Variants in PDE10A observed in about 807,000 individuals in gnomAD.
The protein encoded by PDE10A is phosphodiesterase 10A.
Under a neutral mutation model 97.7 loss-of-function variants are expected in PDE10A, and 39 were observed. That is an observed-to-expected ratio of 0.40 (90% CI 0.31 to 0.52). The LOEUF (loss-of-function observed/expected upper bound fraction) is 0.52, where lower values mean the gene tolerates loss of function less well. PDE10A is among the 20% of genes least tolerant of loss of function. PDE10A has a pLI of 0.56. For missense variants in PDE10A, 731 were observed against 1,047.8 expected (o/e 0.70, Z 4.17); for synonymous variants, 371 against 376.8 (o/e 0.98, Z 0.18).
At chr6:165,833,704 T>G (rs1486316629) in intron 1 of PDE10A, among the ~76,000 whole-genome samples, 18 of 152,242 alleles carry the variant, frequency 1.2e-4, no homozygotes, top group Admixed American at 1.2e-3. Flanking sequence ...CGAGATGTTC[T>G]TGTCCCATTT....
In PDE10A at chr6:165,444,853, C is replaced by T. The variant is rs529035905; in HGVS notation, c.1194+4075G>A. Among the ~76,000 whole-genome samples, 15 of 152,088 alleles carry T rather than the reference C, an allele frequency of 9.9e-5. No individual in the cohort carries two copies. The East Asian group carries it at 1.5e-3, about 16-fold the overall frequency. ...TTCAGAAATTTAATTATTTCTACTGCGAAGAAATTCATACTTTAATAAGTA... is the reference window on the plus strand; with the variant it reads ...TTCAGAAATTTAATTATTTCTACTGTGAAGAAATTCATACTTTAATAAGTA... On this transcript the variant is annotated intron_variant, in intron 5 of 21. Transcript: ENST00000539869.
At chr6:165,493,938 T>C (rs1780369553) in intron 2 of PDE10A, among the ~76,000 whole-genome samples, 1 of 151,148 alleles carries the variant, frequency 6.6e-6, no homozygotes. Flanking sequence ...AAAGGACTAA[T>C]ATCCAGAATC....
At chr6:165,368,948 T>G (rs576509087) in intron 18 of PDE10A, among the ~76,000 whole-genome samples, 83 of 152,298 alleles carry the variant, frequency 5.4e-4, no homozygotes, top group African/African-American at 1.9e-3. Flanking sequence ...CAGACACCGC[T>G]GCTGATACCC....
intron 1 of PDE10A, among the ~76,000 whole-genome samples, chr6:165,742,464 TC>T (rs1168359101): frequency 6.6e-6 from 1 of 151,856 alleles, no homozygotes; most frequent in Admixed American, 6.6e-5. Flanking sequence ...TCATCCCGAG[TC>T]CCACCCAGGA....
intron 10 of PDE10A, among the ~76,000 whole-genome samples, chr6:165,419,669 T>G (rs926342851): frequency 6.6e-6 from 1 of 152,208 alleles, no homozygotes; most frequent in Non-Finnish European, 1.5e-5. Flanking sequence ...TATCCTACTG[T>G]CCTGAGTGGG....
intron 1 of PDE10A, among the ~76,000 whole-genome samples, chr6:165,709,066 C>T (rs551747940): frequency 6.2e-5 from 7 of 112,864 alleles, no homozygotes; most frequent in Middle Eastern, 4.3e-3. Flanking sequence ...GCCATGCTTC[C>T]GCGCTCTTCC....
At chr6:165,871,898 G>C (rs1390115516) in intron 1 of PDE10A, among the ~76,000 whole-genome samples, 1 of 152,196 alleles carries the variant, frequency 6.6e-6, no homozygotes, top group Non-Finnish European at 1.5e-5. Flanking sequence ...AGATAGGATC[G>C]AAGGTGGAAA....
intron 1 of PDE10A, among the ~76,000 whole-genome samples, chr6:165,816,248 C>A (rs1372346818): frequency 1.3e-5 from 2 of 152,204 alleles, no homozygotes; most frequent in Non-Finnish European, 2.9e-5. Context: ...TGCGCCTGGC[C>A]CAGGCTCATA....
In PDE10A at chr6:165,341,677, T is replaced by G. The variant is rs1781980319; in HGVS notation, c.2895+1714A>C. ...CAGTCTAGGGAACGTATCAAGCAAC[T>G]CAACTTTTTCTTGTCATGTCATGAC... On this transcript the variant is annotated intron_variant, in intron 19 of 21. Transcript: ENST00000539869. Among the ~76,000 whole-genome samples, 4 of 152,300 alleles carry G rather than the reference T, an allele frequency of 2.6e-5. 1 individual carries two copies. The South Asian group carries it at 8.3e-4, about 32-fold the overall frequency.
intron 1 of PDE10A, among the ~76,000 whole-genome samples, chr6:165,956,095 A>T (rs907357213): frequency 6.6e-6 from 1 of 152,242 alleles, no homozygotes; most frequent in Non-Finnish European, 1.5e-5. Context: ...GTCTGATACT[A>T]TTAGATTTTT....
chr6:165,649,730 T>C (rs1014805096), intron 1 of PDE10A, among the ~76,000 whole-genome samples: 5 of 152,204 alleles, frequency 3.3e-5, no homozygotes, highest in Non-Finnish European at 7.4e-5. Context: ...AGTGGTGTCA[T>C]TAAATGTCAA....
At chr6:165,894,670 C>G (rs1472507260) in intron 1 of PDE10A, 7 of 373,868 alleles carry the variant, frequency 1.9e-5, no homozygotes, top group South Asian at 1.4e-4. Context: ...CCACATAGCA[C>G]CTTGAGGATT....
intron 1 of PDE10A, among the ~76,000 whole-genome samples, chr6:165,972,363 A>G (rs1784707234): frequency 6.6e-6 from 1 of 151,940 alleles, no homozygotes; most frequent in Non-Finnish European, 1.5e-5. Flanking sequence ...GGCCACGGGC[A>G]CCCAGTATGG....
chr6:165,657,409 C>A (rs1790020329), intron 1 of PDE10A, among the ~76,000 whole-genome samples: 1 of 152,162 alleles, frequency 6.6e-6, no homozygotes, highest in Non-Finnish European at 1.5e-5. Flanking sequence ...AAGAGTTTTC[C>A]TTTTAAGGGA....
In PDE10A at chr6:165,425,973, GAATA is replaced by G. The variant is rs572416066; in HGVS notation, c.1653+2681_1653+2684del. Among the ~76,000 whole-genome samples, 8 of 150,818 alleles carry G rather than the reference GAATA, an allele frequency of 5.3e-5. No homozygotes were observed. In the East Asian group the frequency reaches 1.6e-3, roughly 30 times the overall value. ...ATTTATAATAGCATTAAAAAAATAG[GAATA>G]AATTGGCCAAAATAAAAGCAATACT... On this transcript the variant is annotated intron_variant, in intron 10 of 21. Transcript: ENST00000539869.
chr6:165,871,181 G>A (rs954230582), intron 1 of PDE10A, among the ~76,000 whole-genome samples: 1 of 152,168 alleles, frequency 6.6e-6, no homozygotes, highest in Non-Finnish European at 1.5e-5. Context: ...GCGTACGCAT[G>A]TATTGAAAAA....
chr6:165,796,976 G>T (rs1460968886), intron 1 of PDE10A, among the ~76,000 whole-genome samples: 1 of 152,020 alleles, frequency 6.6e-6, no homozygotes, highest in Non-Finnish European at 1.5e-5. Context: ...TGGAAGTTAG[G>T]TATAAATAGA....
chr6:165,955,150 G>C (rs551151796), intron 1 of PDE10A, among the ~76,000 whole-genome samples: 1 of 152,096 alleles, frequency 6.6e-6, no homozygotes, highest in African/African-American at 2.4e-5. Context: ...GCCCAAGAGG[G>C]CTCGCACTCA....
chr6:165,805,860 C>G (rs9347090), intron 1 of PDE10A, among the ~76,000 whole-genome samples: 1 of 151,100 alleles, frequency 6.6e-6, no homozygotes, highest in South Asian at 2.1e-4. Context: ...GCTCTGGCCC[C>G]GTTCCTGGGA....
Sources: allele counts gnomAD v4.1 joint callset (sites outside exome capture counted in the v4.1 genomes callset), GRCh38; gene constraint gnomAD v4.1.1; transcripts MANE v1.5; gene names NCBI Gene and HGNC (gene_info 2026-07-23, HGNC 2026-07-21).